NRG1: variants seen among roughly 807,000 people sequenced by gnomAD.
NRG1 encodes the protein pro-neuregulin-1, membrane-bound isoform.
A neutral mutation model predicts 63.8 loss-of-function variants in NRG1; 18 were observed. That is an observed-to-expected ratio of 0.28 (90% CI 0.19 to 0.42). The LOEUF (loss-of-function observed/expected upper bound fraction) is 0.42. NRG1 is among the 10% of genes least tolerant of loss of function. The probability of loss-of-function intolerance (pLI) is 1.00; values close to 1 mark genes in which losing one functional copy is unlikely to be tolerated. For synonymous variants in NRG1, 302 were observed against 301.3 expected, an observed-to-expected ratio of 1.00 and a Z score of -0.02; for missense variants, 762 against 814.7, an observed-to-expected ratio of 0.94 and a Z score of 0.79.
At chr8:32,404,136 A>G (rs1483789214) in intron 1 of NRG1, among the ~76,000 whole-genome samples, 2 of 152,216 alleles carry the variant, frequency 1.3e-5, no homozygotes, top group Admixed American at 1.3e-4. Flanking sequence ...ATGAAGAGAG[A>G]AGACCCTGGA....
At chr8:31,713,389 T>A (rs919620138) in intron 1 of NRG1, among the ~76,000 whole-genome samples, 3 of 152,170 alleles carry the variant, frequency 2.0e-5, no homozygotes, top group African/African-American at 7.2e-5. Context: ...GTGCTGGGAT[T>A]ACAGGTATGA....
At chr8:32,472,819 C>G (rs747063186) in intron 1 of NRG1, among the ~76,000 whole-genome samples, 3 of 152,194 alleles carry the variant, frequency 2.0e-5, no homozygotes, top group Non-Finnish European at 4.4e-5. Context: ...TAAAGAAATG[C>G]TGAGACTAAG....
chr8:32,058,055 CG>C (rs968653081), intron 1 of NRG1, among the ~76,000 whole-genome samples: 1 of 32,970 alleles, frequency 3.0e-5, no homozygotes, highest in African/African-American at 3.4e-5. Flanking sequence ...CCAATTATAC[CG>C]ACTTGATCTT....
intron 5 of NRG1, among the ~76,000 whole-genome samples, chr8:32,713,562 A>G (rs1589365294): frequency 6.6e-6 from 1 of 150,586 alleles, no homozygotes; most frequent in Non-Finnish European, 1.5e-5. Context: ...TACATCCACC[A>G]TCAGATTTTT....
intron 1 of NRG1, among the ~76,000 whole-genome samples, chr8:32,425,626 A>G (rs545602086): frequency 6.6e-6 from 1 of 152,332 alleles, no homozygotes; most frequent in South Asian, 2.1e-4. Context: ...TAAGAGATCT[A>G]GAGCCCATAT....
intron 1 of NRG1, among the ~76,000 whole-genome samples, chr8:31,782,086 T>G (rs1819742665): frequency 6.6e-6 from 1 of 152,058 alleles, no homozygotes; most frequent in African/African-American, 2.4e-5. Flanking sequence ...ATGTGTTCAG[T>G]GACTATTAGA....
chr8:32,240,309 A>ATTTCATGTGAT (rs1847971708), intron 1 of NRG1, among the ~76,000 whole-genome samples: 1 of 152,198 alleles, frequency 6.6e-6, no homozygotes, highest in African/African-American at 2.4e-5. Context: ...ATCACAAAAG[A>ATTTCATGTGAT]TTTCATGTGA....
chr8:31,912,365 G>C (rs766566345), intron 1 of NRG1, among the ~76,000 whole-genome samples: 1 of 152,042 alleles, frequency 6.6e-6, no homozygotes, highest in African/African-American at 2.4e-5. Flanking sequence ...AGCTAGCAGA[G>C]CTTAGGCACA....
At chr8:32,421,627 C>T (rs548484169) in intron 1 of NRG1, among the ~76,000 whole-genome samples, 1 of 152,176 alleles carries the variant, frequency 6.6e-6, no homozygotes, top group Non-Finnish European at 1.5e-5. Flanking sequence ...ATTGATTCCT[C>T]TATCTTTAGA....
chr8:32,653,085 C>T (rs1855485396), intron 5 of NRG1, among the ~76,000 whole-genome samples: 1 of 151,726 alleles, frequency 6.6e-6, no homozygotes, highest in Non-Finnish European at 1.5e-5. Context: ...TTTTGCTCTA[C>T]ATCAATGCTT....
intron 1 of NRG1, among the ~76,000 whole-genome samples, chr8:32,311,854 A>G (rs1856833979): frequency 6.6e-6 from 1 of 152,210 alleles, no homozygotes; most frequent in Admixed American, 6.5e-5. Context: ...GCTCAAAGTC[A>G]TATCAATTCA....
chr8:32,281,828 A>C (rs934850887), intron 1 of NRG1, among the ~76,000 whole-genome samples: 1 of 152,160 alleles, frequency 6.6e-6, no homozygotes. Flanking sequence ...CTTTTAAAAA[A>C]TATTTCAGAT....
At chr8:32,639,141 C>G (rs1554614489) in intron 5 of NRG1, among the ~76,000 whole-genome samples, 2 of 152,178 alleles carry the variant, frequency 1.3e-5, no homozygotes, top group South Asian at 4.1e-4. Context: ...CGTGGTGGCT[C>G]ATGCCTATAA....
chr8:32,445,662 A>G (rs958849106), intron 1 of NRG1, among the ~76,000 whole-genome samples: 11 of 152,232 alleles, frequency 7.2e-5, no homozygotes, highest in African/African-American at 2.6e-4. Context: ...TCTTTAATTC[A>G]TTCCTTACCT....
intron 5 of NRG1, among the ~76,000 whole-genome samples, chr8:32,639,565 C>G (rs1851937642): frequency 6.6e-6 from 1 of 152,190 alleles, no homozygotes; most frequent in African/African-American, 2.4e-5. Flanking sequence ...TCTTGAATAG[C>G]TGGTACTCTC....
At chr8:32,513,162 C>T (rs1045112262) in intron 1 of NRG1, among the ~76,000 whole-genome samples, 1 of 150,028 alleles carries the variant, frequency 6.7e-6, no homozygotes, top group Non-Finnish European at 1.5e-5. Flanking sequence ...GGTTGGCTTG[C>T]TGAAGCTGGT....
chr8:32,168,272 A>G (rs976858329), intron 1 of NRG1, among the ~76,000 whole-genome samples: 2 of 152,230 alleles, frequency 1.3e-5, no homozygotes, highest in African/African-American at 4.8e-5. Context: ...TGAGTTCAAA[A>G]AAATCAATTC....
At chr8:31,843,820 A>G (rs754835077) in intron 1 of NRG1, among the ~76,000 whole-genome samples, 2 of 152,170 alleles carry the variant, frequency 1.3e-5, no homozygotes, top group Non-Finnish European at 2.9e-5. Flanking sequence ...TGAATAGGCT[A>G]TGGGGAAAAA....
At chr8:31,936,067 G>A (rs745582599) in intron 1 of NRG1, among the ~76,000 whole-genome samples, 1 of 151,946 alleles carries the variant, frequency 6.6e-6, no homozygotes, top group Non-Finnish European at 1.5e-5. Flanking sequence ...CAGCAGTCAC[G>A]GTCACAAAAA....
Sources: gnomAD v4.1 joint callset for allele counts (sites outside exome capture counted in the v4.1 genomes callset) on GRCh38, gnomAD v4.1.1 for gene constraint, MANE v1.5 for transcripts, NCBI Gene and HGNC (gene_info 2026-07-23, HGNC 2026-07-21) for gene names.